The following SAXO1 variants were observed in gnomAD, a reference collection of about 807,000 sequenced individuals.
SAXO1 encodes 4930500O09Rik.
Under a neutral mutation model 17.5 loss-of-function variants are expected in SAXO1, and 21 were observed. The observed-to-expected ratio is 1.20, with a 90% CI of 0.85 to 1.72. The LOEUF is 1.72. Among genes scored for constraint, SAXO1 ranks in the 40% most tolerant of loss-of-function variants. The pLI is 0.00. For missense variants in SAXO1, 843 were observed against 596.0 expected, an observed-to-expected ratio of 1.41 and a Z score of -4.32; for synonymous variants, 274 against 216.5, an observed-to-expected ratio of 1.27 and a Z score of -2.33.
At chr9:18,951,590 A>G (rs1279762019) in intron 1 of SAXO1, among the ~76,000 whole-genome samples, 1 of 152,088 alleles carries the variant, frequency 6.6e-6, no homozygotes, top group Non-Finnish European at 1.5e-5. Flanking sequence ...TCTTATACCC[A>G]GGATCCACCT....
chr9:18,973,011 A>C (rs1021890612), intron 1 of SAXO1, among the ~76,000 whole-genome samples: 10 of 152,198 alleles, frequency 6.6e-5, no homozygotes, highest in African/African-American at 2.4e-4. Flanking sequence ...TCACTGACTA[A>C]AATCAGGGCA....
chr9:18,949,314 T>G lies in SAXO1; in HGVS notation c.218+1444A>C, dbSNP rs1036564001. On this transcript the variant is annotated intron_variant, in intron 2 of 3. Coordinates refer to ENST00000380534, the MANE Select transcript of SAXO1 (RefSeq NM_153707.4). Reference sequence around the variant, plus strand: ...CTCTACAAAAAGTTTAAAAATTAGTTGGGCATGGTGGTCCATGCCTGTAGT... The same window carrying G: ...CTCTACAAAAAGTTTAAAAATTAGTGGGGCATGGTGGTCCATGCCTGTAGT... Among the ~76,000 whole-genome samples the G allele has an allele frequency of 2.6e-5, 4 of 152,250 alleles. 1 individual carries two copies. The highest frequency in any genetic ancestry group is 6.5e-5 in the Admixed American group (1 of 15,292).
intron 1 of SAXO1, among the ~76,000 whole-genome samples, chr9:19,004,140 T>C (rs1193487241): frequency 6.6e-6 from 1 of 152,162 alleles, no homozygotes; most frequent in African/African-American, 2.4e-5. Context: ...AAAATGCTCA[T>C]CATCACTGGT....
intron 1 of SAXO1, among the ~76,000 whole-genome samples, chr9:19,018,639 CA>C: frequency 6.6e-6 from 1 of 152,160 alleles, no homozygotes; most frequent in East Asian, 1.9e-4. Context: ...CAGACATAAT[CA>C]GGGGACGTTG....
At chr9:18,944,651 G>A (rs1366832389) in intron 2 of SAXO1, among the ~76,000 whole-genome samples, 1 of 152,188 alleles carries the variant, frequency 6.6e-6, no homozygotes, top group Admixed American at 6.5e-5. Flanking sequence ...GTTAAACTCA[G>A]AGTTAAGTAA....
upstream of SAXO1, among the ~76,000 whole-genome samples, chr9:19,037,250 G>T (rs1427755116): frequency 6.6e-6 from 1 of 152,192 alleles, no homozygotes; most frequent in Non-Finnish European, 1.5e-5. Flanking sequence ...TTGGACTGTG[G>T]ACTTTCGGGT....
At chr9:19,010,792 G>T (rs1288068053) in intron 1 of SAXO1, among the ~76,000 whole-genome samples, 1 of 152,204 alleles carries the variant, frequency 6.6e-6, no homozygotes, top group Non-Finnish European at 1.5e-5. Context: ...ACCAGGGGCA[G>T]TGAGGAGGGG....
rs985320238 is a variant in SAXO1, at chr9:18,988,701, A to T, written c.39-37764T>A. Among the ~76,000 whole-genome samples the T allele has an allele frequency of 6.6e-5, 10 of 152,328 alleles. No individual in the cohort carries two copies. The East Asian group carries it at 1.9e-3, about 29-fold the overall frequency. The stretch of plus-strand genomic sequence containing the variant: ...ACAACGAGTATAATGCTATTATTTT[A>T]AATTATTACAGTGATGTAAATTGCT... On this transcript the variant is annotated intron_variant, in intron 1 of 3. Transcript: ENST00000380534.
At chr9:19,017,760 T>C (rs987001095) in intron 1 of SAXO1, among the ~76,000 whole-genome samples, 2 of 152,242 alleles carry the variant, frequency 1.3e-5, no homozygotes, top group Admixed American at 1.3e-4. Context: ...GCCTATCTCC[T>C]ACACCTTCTA....
intron 1 of SAXO1, among the ~76,000 whole-genome samples, chr9:18,990,106 G>C (rs556484930): frequency 1.3e-5 from 2 of 151,926 alleles, no homozygotes; most frequent in South Asian, 2.1e-4. Context: ...CTCAGTGGCA[G>C]ACTGAAGCTA....
chr9:18,954,483 C>T (rs77060301), intron 1 of SAXO1, among the ~76,000 whole-genome samples: 4,880 of 151,900 alleles, frequency 0.032, 119 homozygotes, highest in African/African-American at 0.072. Flanking sequence ...ACCACAGACA[C>T]GCAAAACCAT....
rs566440715 is a variant in SAXO1 at position 18,970,394 on chromosome 9, A to T, written c.39-19457T>A. Among the ~76,000 whole-genome samples the T allele has an allele frequency of 2.0e-5, 3 of 152,180 alleles. No homozygotes were observed. The East Asian group carries it at 5.8e-4, about 29-fold the overall frequency. ...TGCTTTCACTGCCCCTTTCTTGGGG[A>T]TGCTCAGGTATTGGCTAGGATCACC... On this transcript the variant is annotated intron_variant, in intron 1 of 3. Coordinates refer to ENST00000380534, the MANE Select transcript of SAXO1 (RefSeq NM_153707.4).
intron 1 of SAXO1, among the ~76,000 whole-genome samples, chr9:18,982,400 C>G (rs1833426605): frequency 6.6e-6 from 1 of 152,164 alleles, no homozygotes; most frequent in African/African-American, 2.4e-5. Context: ...ATCTGGGGCC[C>G]TGCCAGGAGC....
chr9:18,982,552 T>C (rs1168842038), intron 1 of SAXO1, among the ~76,000 whole-genome samples: 4 of 152,228 alleles, frequency 2.6e-5, no homozygotes, highest in African/African-American at 9.6e-5. Flanking sequence ...AGAGTCACCA[T>C]GGCAGAAGGG....
At chr9:18,941,598 C>T (rs752444050) in intron 3 of SAXO1, 39 bp downstream of exon 3, 1 of 1,610,998 alleles carries the variant, frequency 6.2e-7, no homozygotes, top group Non-Finnish European at 8.5e-7. Context: ...ACAGGCTCAG[C>T]CTGTCTTTCC....
chr9:18,967,176 C>G (rs1029291420), intron 1 of SAXO1, among the ~76,000 whole-genome samples: 1 of 152,200 alleles, frequency 6.6e-6, no homozygotes, highest in Non-Finnish European at 1.5e-5. Flanking sequence ...TATGAGGTGT[C>G]TGTCTACCCC....
At chr9:18,985,092 A>C (rs1216651277) in intron 1 of SAXO1, among the ~76,000 whole-genome samples, 2 of 152,018 alleles carry the variant, frequency 1.3e-5, no homozygotes, top group Non-Finnish European at 2.9e-5. Flanking sequence ...CTATTTCAAT[A>C]CTGTGTCTCA....
chr9:18,991,620 A>G (rs922249747), intron 1 of SAXO1, among the ~76,000 whole-genome samples: 5 of 152,220 alleles, frequency 3.3e-5, no homozygotes, highest in African/African-American at 1.2e-4. Flanking sequence ...AATGTAAATG[A>G]TGAGTTAATG....
intron 1 of SAXO1, among the ~76,000 whole-genome samples, chr9:18,959,961 T>C (rs1832417112): frequency 6.6e-6 from 1 of 152,026 alleles, no homozygotes; most frequent in African/African-American, 2.4e-5. Flanking sequence ...TGATAGCAGA[T>C]GCTGATGAGA....
Sources: allele counts gnomAD v4.1 joint callset (sites outside exome capture counted in the v4.1 genomes callset), GRCh38; gene constraint gnomAD v4.1.1; transcripts MANE v1.5; gene names NCBI Gene and HGNC (gene_info 2026-07-23, HGNC 2026-07-21).